The following ANKRD36C variants were observed in gnomAD, a reference collection of about 807,000 sequenced individuals.
ANKRD36C encodes ankyrin repeat domain 36C.
Under a neutral mutation model 276.4 loss-of-function variants are expected in ANKRD36C, and 61 were observed. The ratio of observed to expected loss-of-function variants is 0.22; its 90% CI spans 0.18 to 0.27. The LOEUF (loss-of-function observed/expected upper bound fraction) is 0.27, where lower values mean the gene tolerates loss of function less well. Ranked by LOEUF, ANKRD36C falls within the 10% of genes least tolerant of loss-of-function variation. The probability of loss-of-function intolerance (pLI) is 1.00; values close to 1 mark genes in which losing one functional copy is unlikely to be tolerated. For synonymous variants in ANKRD36C, 483 were observed against 680.1 expected, an observed-to-expected ratio of 0.71 and a Z score of 4.51; for missense variants, 1,447 against 2,032.3, an observed-to-expected ratio of 0.71 and a Z score of 5.54.
At chr2:95,965,161 T>G (rs779106388) in intron 6 of ANKRD36C, among the ~76,000 whole-genome samples, 12 of 151,760 alleles carry the variant, frequency 7.9e-5, no homozygotes, top group Admixed American at 7.3e-4. Flanking sequence ...AACAGAAATA[T>G]TTTCATTTGT....
intron 16 of ANKRD36C, 54 bp from the exon 17 acceptor site, chr2:95,948,650 A>C: frequency 6.6e-7 from 1 of 1,515,470 alleles, no homozygotes; most frequent in South Asian, 1.2e-5. Context: ...TTAAAAGAAA[A>C]CAAAAACCGT....
rs1318769122 is a variant in ANKRD36C, at chr2:95,919,272, G to T, written c.2246-1230C>A. ...TCCTGCCTGACAATCCATCATCCTTGGGAAAATAATTGCTACATCAGGGGT... is the reference window on the plus strand; with the variant it reads ...TCCTGCCTGACAATCCATCATCCTTTGGAAAATAATTGCTACATCAGGGGT... On this transcript the variant is annotated intron_variant, in intron 34 of 66. Coordinates refer to ENST00000456556, the Ensembl canonical transcript of ANKRD36C. Among the ~76,000 whole-genome samples the T allele has an allele frequency of 4.5e-5, 6 of 133,038 alleles. 1 individual carries two copies. Among genetic ancestry groups the T allele is most frequent in the East Asian group, 5.4e-4 (2 of 3,686 alleles). 87.3% of individuals were successfully genotyped at this position (133,038 alleles called of 152,430 possible).
At chr2:95,942,556 A>T (rs1677924412) in intron 19 of ANKRD36C, among the ~76,000 whole-genome samples, 1 of 152,310 alleles carries the variant, frequency 6.6e-6, no homozygotes, top group South Asian at 2.1e-4. Context: ...GAGAAATGTA[A>T]AACCTATTTT....
rs752133922 is a variant in ANKRD36C, at chr2:95,855,983, T to C, written c.4278A>G (p.Ala1426=). 3.1e-6 allele frequency: 5 copies of C among 1,613,116 alleles called. No individual in the cohort carries two copies. In the East Asian group the frequency reaches 1.1e-4, roughly 36 times the overall value. ...GTCCACTATAACAGGCTATCGTTTC[T>C]GCTAATGTTTCCTCATTCCGTTTTA... Residue 1426 remains alanine, a synonymous_variant, in exon 63 of 67, where the codon GCA becomes GCG. Coordinates refer to ENST00000456556, the Ensembl canonical transcript of ANKRD36C.
At chr2:95,849,847 C>T (rs774934135), downstream of ANKRD36C, among the ~76,000 whole-genome samples, 9 of 152,160 alleles carry the variant, frequency 5.9e-5, no homozygotes, top group South Asian at 2.1e-4. Flanking sequence ...ATGTGAGCAA[C>T]GGGCAGTGGC....
chr2:95,914,584 G>T (rs1380864593), intron 38 of ANKRD36C, among the ~76,000 whole-genome samples: 4 of 151,448 alleles, frequency 2.6e-5, no homozygotes, highest in African/African-American at 7.3e-5. Context: ...CATAGGCCGG[G>T]TGATGAGAAC....
At chr2:95,890,458 G>C (rs1326616309) in intron 46 of ANKRD36C, among the ~76,000 whole-genome samples, 5 of 151,398 alleles carry the variant, frequency 3.3e-5, no homozygotes, top group Non-Finnish European at 7.4e-5. Flanking sequence ...ACAGAATTAC[G>C]ACATTTCAGT....
chr2:95,926,994 C>T (rs1242514687), intron 28 of ANKRD36C, among the ~76,000 whole-genome samples: 4 of 151,554 alleles, frequency 2.6e-5, no homozygotes, highest in Non-Finnish European at 5.9e-5. Flanking sequence ...GGCTCTCCAA[C>T]GTTTATTCTT....
rs184618360 is a variant in ANKRD36C, at chr2:95,910,822, G to A, written c.2653+1422C>T. On this transcript the variant is annotated intron_variant, in intron 42 of 66. Coordinates refer to ENST00000456556, the Ensembl canonical transcript of ANKRD36C. ...ATATGTCTAAAACTAAAATAAAACCGTGTCAATCTCAACGTGCATAGGCCA... is the reference window on the plus strand; with the variant it reads ...ATATGTCTAAAACTAAAATAAAACCATGTCAATCTCAACGTGCATAGGCCA... 6.5e-4 allele frequency among the ~76,000 whole-genome samples: 99 copies of A among 151,456 alleles called. No individual in the cohort carries two copies. The East Asian group carries it at 0.012, about 18-fold the overall frequency.
At chr2:95,890,025 A>G (rs1414475974) in intron 46 of ANKRD36C, 31 bp from the exon 67 acceptor site, 2 of 1,601,150 alleles carry the variant, frequency 1.2e-6, no homozygotes, top group East Asian at 4.5e-5. Context: ...ATAATCACTC[A>G]TACGTAAATA....
chr2:95,871,179 C>T (rs1675802882), intron 59 of ANKRD36C, among the ~76,000 whole-genome samples: 2 of 152,096 alleles, frequency 1.3e-5, no homozygotes, highest in African/African-American at 4.8e-5. Context: ...CACAAAAATA[C>T]CCCTTGAGAA....
At chr2:95,979,086 C>T (rs1301171865) in intron 5 of ANKRD36C, among the ~76,000 whole-genome samples, 10 of 152,012 alleles carry the variant, frequency 6.6e-5, no homozygotes, top group Non-Finnish European at 1.2e-4. Flanking sequence ...GACATTTTCT[C>T]ATTTCCAAGA....
chr2:95,880,786 C>T (rs1165983311), intron 56 of ANKRD36C, among the ~76,000 whole-genome samples, 163 bp from the exon 77 acceptor site: 1 of 151,910 alleles, frequency 6.6e-6, no homozygotes, highest in Non-Finnish European at 1.5e-5. Context: ...GATAGAAATG[C>T]AATGAAGAAA....
intron 46 of ANKRD36C, among the ~76,000 whole-genome samples, chr2:95,890,475 T>C (rs1395411244): frequency 1.3e-5 from 2 of 151,542 alleles, no homozygotes; most frequent in African/African-American, 4.8e-5. Flanking sequence ...CAGTTGAACG[T>C]ACACTTCACA....
At chr2:95,902,661 T>A (rs1238161545) in intron 42 of ANKRD36C, among the ~76,000 whole-genome samples, 20 of 150,160 alleles carry the variant, frequency 1.3e-4, no homozygotes, top group Non-Finnish European at 1.5e-5. Context: ...CTCTCCATAT[T>A]TCTTCTTCCC....
intron 6 of ANKRD36C, among the ~76,000 whole-genome samples, chr2:95,963,984 T>C (rs867699688): frequency 5.2e-5 from 1 of 19,358 alleles, no homozygotes. Flanking sequence ...TATATATATA[T>C]ATATATATAT....
intron 32 of ANKRD36C, 149 bp from the exon 33 acceptor site, chr2:95,921,959 A>C (rs1463728506): frequency 1.2e-6 from 1 of 829,846 alleles, no homozygotes; most frequent in African/African-American, 1.8e-5. Context: ...GGAGCATGAC[A>C]GAAATATACT....
chr2:95,874,458 G>A (rs1675892823), intron 59 of ANKRD36C, among the ~76,000 whole-genome samples: 1 of 152,194 alleles, frequency 6.6e-6, no homozygotes, highest in South Asian at 2.1e-4. Context: ...AATGGTGCTG[G>A]GAAAACTGGC....
chr2:95,891,988 T>C (rs763469521), intron 44 of ANKRD36C, 128 bp from the exon 65 acceptor site: 94 of 1,467,996 alleles, frequency 6.4e-5, no homozygotes, highest in Non-Finnish European at 7.9e-5. Context: ...TGGCTTCTAC[T>C]TTGTGTCTGA....
Sources: gnomAD v4.1 joint callset for allele counts (sites outside exome capture counted in the v4.1 genomes callset) on GRCh38, gnomAD v4.1.1 for gene constraint, MANE v1.5 for transcripts, NCBI Gene and HGNC (gene_info 2026-07-23, HGNC 2026-07-21) for gene names.